The following ENDOD1 variants were observed in gnomAD, a reference collection of about 807,000 sequenced individuals.
ENDOD1 encodes the protein endonuclease domain containing 1, also known as endonuclease domain-containing 1 protein.
Under a neutral mutation model 6.5 loss-of-function variants are expected in ENDOD1, and 9 were observed. That is an observed-to-expected ratio of 1.39 (90% confidence interval 0.84 to 2.43). The LOEUF (loss-of-function observed/expected upper bound fraction) is 2.43, where lower values mean the gene tolerates loss of function less well. ENDOD1 is among the 30% of genes most tolerant of loss of function. The probability of loss-of-function intolerance (pLI) is 0.00; values close to 1 mark genes in which losing one functional copy is unlikely to be tolerated. For missense variants in ENDOD1, 648 were observed against 635.5 expected (o/e 1.02, Z -0.21); for synonymous variants, 255 against 255.2 (o/e 1.00, Z 0.01).
At position 95,105,375 on chromosome 11, in the gene ENDOD1, T is replaced by A. The variant is rs144083808; in HGVS notation, c.300+15148T>A. On this transcript the variant is annotated intron_variant, in intron 1 of 1. Coordinates refer to ENST00000278505, the MANE Select transcript of ENDOD1 (RefSeq NM_015036.3). Reference sequence around the variant, plus strand: ...AGATTACTTATAATACCTGGTACAATGTAAATGCTGTGTATATAGTTGTAA... The same window carrying A: ...AGATTACTTATAATACCTGGTACAAAGTAAATGCTGTGTATATAGTTGTAA... Among the ~76,000 whole-genome samples the A allele has an allele frequency of 3.9e-3, 589 of 152,342 alleles. 3 individuals are homozygous for A. The highest frequency in any genetic ancestry group is 7.8e-3 in the Admixed American group (120 of 15,304).
At chr11:95,104,126 C>T (rs940100830) in intron 1 of ENDOD1, among the ~76,000 whole-genome samples, 2 of 152,208 alleles carry the variant, frequency 1.3e-5, no homozygotes, top group Non-Finnish European at 2.9e-5. Context: ...GTTGCCCCCT[C>T]TGATCTGCTC....
chr11:95,094,376 G>A (rs1048922107), intron 1 of ENDOD1, among the ~76,000 whole-genome samples: 2 of 152,016 alleles, frequency 1.3e-5, no homozygotes, highest in Admixed American at 6.5e-5. Context: ...GATCCACTGC[G>A]CTAATGGTCT....
chr11:95,127,370 G>A (rs979757454), intron 1 of ENDOD1, among the ~76,000 whole-genome samples: 5 of 152,142 alleles, frequency 3.3e-5, no homozygotes, highest in Admixed American at 3.3e-4. Flanking sequence ...TTGATATATA[G>A]CACATGTCTA....
Position 95,128,481 on chromosome 11 carries a change from T to C in ENDOD1, c.405T>C (p.Leu135=). The C allele has an allele frequency of 1.2e-6, 2 of 1,614,250 alleles. No homozygotes were observed. The highest frequency in any genetic ancestry group is 2.7e-5 in the African/African-American group (2 of 75,066). Reference sequence around the variant, plus strand: ...AGCAAGCCTTGAATACAGATTACCTTGATTCTGATTACCAAAGAGGACAGC... The same window carrying C: ...AGCAAGCCTTGAATACAGATTACCTCGATTCTGATTACCAAAGAGGACAGC... ...GSKQALNTDY[L]DSDYQRGQLY... The change falls in exon 2 of 2, where the codon CTT becomes CTC. Residue 135 remains leucine (L), a synonymous_variant. Transcript: ENST00000278505.
rs145026163 is a variant in ENDOD1, at chr11:95,123,796, G to A, written c.301-4581G>A. Among the ~76,000 whole-genome samples, 503 of 152,170 alleles carry A rather than the reference G, an allele frequency of 3.3e-3. 2 individuals are homozygous for A. Among genetic ancestry groups the A allele is most frequent in the African/African-American group, 0.011 (440 of 41,522 alleles). On this transcript the variant is annotated intron_variant, in intron 1 of 1. Coordinates refer to ENST00000278505, the MANE Select transcript of ENDOD1 (RefSeq NM_015036.3). The stretch of plus-strand genomic sequence containing the variant: ...ATTGGATAAAATGTAGCATTTTTCC[G>A]GCTGGGCGTGGTGGTTCCATATTTG...
intron 1 of ENDOD1, among the ~76,000 whole-genome samples, chr11:95,126,411 T>C (rs1859312937): frequency 6.6e-6 from 1 of 152,204 alleles, no homozygotes; most frequent in Non-Finnish European, 1.5e-5. Context: ...TATTTTTTTA[T>C]TTCCTTTTGA....
chr11:95,094,309 G>T (rs939133153), intron 1 of ENDOD1, among the ~76,000 whole-genome samples: 21 of 152,146 alleles, frequency 1.4e-4, no homozygotes, highest in Admixed American at 2.6e-4. Flanking sequence ...GCTTATTTTT[G>T]AACTCATTAC....
chr11:95,128,768 G>C lies in ENDOD1; in HGVS notation c.692G>C (p.Gly231Ala). The C allele has an allele frequency of 3.1e-6, 5 of 1,614,214 alleles. No homozygotes were observed. The highest frequency in any genetic ancestry group is 1.1e-5 in the South Asian group (1 of 91,078). The change falls in exon 2 of 2, where the codon GGC becomes GCC. Residue 231 changes from glycine (G) to alanine (A), a missense_variant. Physicochemically the swap from Gly to Ala is moderately conservative, Grantham distance 60. Transcript: ENST00000278505. ...LAACCAVPGG[G>A]WAMGFVKHTR... ...GCCTGTTGTGCTGTCCCTGGAGGAG[G>C]CTGGGCCATGGGCTTTGTCAAGCAC... is the stretch of plus-strand genomic sequence containing the variant.
In ENDOD1 at chr11:95,118,157, C is replaced by T. The variant is rs952701852; in HGVS notation, c.301-10220C>T. On this transcript the variant is annotated intron_variant, in intron 1 of 1. Coordinates refer to ENST00000278505, the MANE Select transcript of ENDOD1 (RefSeq NM_015036.3). The stretch of plus-strand genomic sequence containing the variant: ...AAGTTGTTGTAGTTACGGTTTTTGA[C>T]GGGTTCATCATTTAGTTTTTCTACT... Among the ~76,000 whole-genome samples, 9 of 151,940 alleles carry T rather than the reference C, an allele frequency of 5.9e-5. No homozygotes were observed. In the East Asian group the frequency reaches 9.6e-4, roughly 16 times the overall value.
chr11:95,111,044 C>T (rs1404021066), intron 1 of ENDOD1, among the ~76,000 whole-genome samples: 1 of 152,132 alleles, frequency 6.6e-6, no homozygotes, highest in Non-Finnish European at 1.5e-5. Context: ...TGGAGGAGGC[C>T]AGCGAGCAGT....
At chr11:95,098,902 G>A (rs916737873) in intron 1 of ENDOD1, among the ~76,000 whole-genome samples, 1 of 152,158 alleles carries the variant, frequency 6.6e-6, no homozygotes, top group East Asian at 1.9e-4. Context: ...CAAACCTGTT[G>A]ATGTGTTGGG....
chr11:95,097,866 G>T (rs1235237718), intron 1 of ENDOD1, among the ~76,000 whole-genome samples: 2 of 152,168 alleles, frequency 1.3e-5, no homozygotes, highest in Non-Finnish European at 2.9e-5. Context: ...ATAAGACAAG[G>T]ATACAAAAGG....
chr11:95,128,812 A>T lies in ENDOD1; in HGVS notation c.736A>T (p.Ile246Leu). The change falls in exon 2 of 2, where the codon ATA becomes TTA. Residue 246 changes from isoleucine (I) to leucine (L), a missense_variant. Coordinates refer to ENST00000278505, the MANE Select transcript of ENDOD1 (RefSeq NM_015036.3). ...FVKHTRDSDI[I>L]EDVMVKDLQK... is the part of the protein sequence containing the mutation. Reference sequence around the variant, plus strand: ...CAAGCACACCCGGGACAGTGACATCATAGAAGATGTGATGGTAAAAGATCT... The same window carrying T: ...CAAGCACACCCGGGACAGTGACATCTTAGAAGATGTGATGGTAAAAGATCT... The T allele has an allele frequency of 6.2e-7, 1 of 1,614,206 alleles. No individual in the cohort carries two copies. Among genetic ancestry groups the T allele is most frequent in the East Asian group, 2.2e-5 (1 of 44,884 alleles).
chr11:95,106,073 C>T (rs1371449327), intron 1 of ENDOD1, among the ~76,000 whole-genome samples: 3 of 152,188 alleles, frequency 2.0e-5, no homozygotes, highest in African/African-American at 7.2e-5. Context: ...ATTGATGGCT[C>T]CAGTCAGAAG....
At chr11:95,098,625 A>G (rs1471659381) in intron 1 of ENDOD1, among the ~76,000 whole-genome samples, 1 of 152,158 alleles carries the variant, frequency 6.6e-6, no homozygotes, top group Non-Finnish European at 1.5e-5. Context: ...CAGGTATTCA[A>G]TTGACCTTCA....
chr11:95,106,045 C>T (rs140049673), intron 1 of ENDOD1, among the ~76,000 whole-genome samples: 1 of 152,220 alleles, frequency 6.6e-6, no homozygotes, highest in East Asian at 1.9e-4. Context: ...TCTGGTCCCT[C>T]TCTCTTCCCG....
At chr11:95,120,764 T>C (rs1395071302) in intron 1 of ENDOD1, among the ~76,000 whole-genome samples, 3 of 152,150 alleles carry the variant, frequency 2.0e-5, no homozygotes, top group African/African-American at 7.2e-5. Flanking sequence ...CCCTGTGGCC[T>C]AGACTGCCTT....
chr11:95,112,529 C>A (rs1174839499), intron 1 of ENDOD1, among the ~76,000 whole-genome samples: 1 of 152,200 alleles, frequency 6.6e-6, no homozygotes, highest in South Asian at 2.1e-4. Context: ...TCGTCTGATC[C>A]CCTGCTGCCC....
chr11:95,113,744 C>T (rs1343915540), intron 1 of ENDOD1, among the ~76,000 whole-genome samples: 1 of 152,184 alleles, frequency 6.6e-6, no homozygotes, highest in Non-Finnish European at 1.5e-5. Flanking sequence ...TACTGATTTT[C>T]TTTCTTTGGG....
Sources: allele counts gnomAD v4.1 joint callset (sites outside exome capture counted in the v4.1 genomes callset), GRCh38; gene constraint gnomAD v4.1.1; transcripts MANE v1.5; gene names NCBI Gene and HGNC (gene_info 2026-07-23, HGNC 2026-07-21).